The following NFAT5 variants were observed in gnomAD, a reference collection of about 807,000 sequenced individuals.
NFAT5 encodes the protein nuclear factor of activated T-cells 5.
NFAT5 carries 31 observed loss-of-function variants against 166.5 expected under a neutral mutation model. The ratio of observed to expected loss-of-function variants is 0.19; its 90% CI spans 0.14 to 0.25. NFAT5 has a LOEUF of 0.25. Among genes scored for constraint, NFAT5 ranks in the 10% least tolerant of loss-of-function variants. The pLI, the probability that NFAT5 is intolerant of heterozygous loss-of-function variation, is 1.00. For missense variants in NFAT5, 1,449 were observed against 1,821.8 expected, an observed-to-expected ratio of 0.80 and a Z score of 3.72; for synonymous variants, 612 against 639.7, an observed-to-expected ratio of 0.96 and a Z score of 0.65.
intron 2 of NFAT5, among the ~76,000 whole-genome samples, chr16:69,573,848 A>G (rs1469418286): frequency 1.3e-5 from 2 of 148,314 alleles, no homozygotes; most frequent in South Asian, 2.1e-4. Context: ...TGTGATTAGT[A>G]TTATATATAA....
At chr16:69,662,255 T>A (rs184938576) in intron 7 of NFAT5, among the ~76,000 whole-genome samples, 2 of 151,986 alleles carry the variant, frequency 1.3e-5, no homozygotes, top group African/African-American at 4.8e-5. Flanking sequence ...ACAAGTAAAA[T>A]GGGATTTACT....
At chr16:69,596,672 C>T (rs1173979702) in intron 2 of NFAT5, among the ~76,000 whole-genome samples, 6 of 149,084 alleles carry the variant, frequency 4.0e-5, no homozygotes, top group Non-Finnish European at 7.4e-5. Context: ...GAGCCGAGAT[C>T]GCGCCATTGC....
Position 69,691,055 on chromosome 16 carries a change from A to T in NFAT5, c.1890A>T (p.Val630=). 6.2e-7 allele frequency: 1 copy of T among 1,603,752 alleles called. No individual in the cohort carries two copies. Among genetic ancestry groups the T allele is most frequent in the Non-Finnish European group, 8.5e-7 (1 of 1,175,990 alleles). ...GTGAAGATGTTACTCCAATGGAAGTAACAGCAGAAAAAAGATCTTCCACTA... is the reference window on the plus strand; with the variant it reads ...GTGAAGATGTTACTCCAATGGAAGTTACAGCAGAAAAAAGATCTTCCACTA... ...IKSEDVTPME[V]TAEKRSSTIF... is the part of the protein sequence containing the mutation. The change falls in exon 12 of 15, where the codon GTA becomes GTT. Residue 630 remains valine (V), a synonymous_variant. Transcript: ENST00000349945.
At chr16:69,568,729 G>C (rs1240929812) in intron 2 of NFAT5, among the ~76,000 whole-genome samples, 181 bp downstream of exon 2, 1 of 152,020 alleles carries the variant, frequency 6.6e-6, no homozygotes, top group African/African-American at 2.4e-5. Context: ...TGCGTTTGAT[G>C]TGCTTGTTGG....
At chr16:69,595,072 C>G (rs1228457472) in intron 2 of NFAT5, among the ~76,000 whole-genome samples, 3 of 152,184 alleles carry the variant, frequency 2.0e-5, no homozygotes, top group Non-Finnish European at 4.4e-5. Context: ...TCCCAGTCCA[C>G]TGACTCAAAT....
At chr16:69,636,781 T>A (rs2034985762) in intron 3 of NFAT5, among the ~76,000 whole-genome samples, 1 of 152,172 alleles carries the variant, frequency 6.6e-6, no homozygotes, top group African/African-American at 2.4e-5. Context: ...TTTTTCCTCC[T>A]GGGCCTCTGG....
At chr16:69,567,653 A>C (rs2016146931) in intron 1 of NFAT5, among the ~76,000 whole-genome samples, 1 of 152,186 alleles carries the variant, frequency 6.6e-6, no homozygotes, top group African/African-American at 2.4e-5. Flanking sequence ...TTGATTTTGT[A>C]CACAGAGTCC....
intron 9 of NFAT5, among the ~76,000 whole-genome samples, chr16:69,671,651 G>A (rs2036625564): frequency 6.6e-6 from 1 of 152,212 alleles, no homozygotes; most frequent in African/African-American, 2.4e-5. Context: ...TTACAGGTGT[G>A]AACCACTGTG....
intron 11 of NFAT5, 198 bp downstream of exon 11, chr16:69,685,168 TTTTA>T (rs1224480750): frequency 1.7e-4 from 21 of 121,222 alleles, no homozygotes; most frequent in East Asian, 6.4e-4. Context: ...CTGAATATGT[TTTTA>T]TATATATATA....
At chr16:69,645,699 A>T (rs1331327189) in intron 3 of NFAT5, among the ~76,000 whole-genome samples, 1 of 152,208 alleles carries the variant, frequency 6.6e-6, no homozygotes, top group African/African-American at 2.4e-5. Context: ...ACAGTGGCAT[A>T]CTTGGTCATA....
intron 11 of NFAT5, among the ~76,000 whole-genome samples, chr16:69,688,375 T>TTTA (rs1192971242): frequency 6.6e-6 from 1 of 151,632 alleles, no homozygotes; most frequent in African/African-American, 2.4e-5. Flanking sequence ...TTTATTTTTA[T>TTTA]TTATTATTAT....
At chr16:69,651,151 C>T (rs967739361) in intron 4 of NFAT5, among the ~76,000 whole-genome samples, 1 of 152,132 alleles carries the variant, frequency 6.6e-6, no homozygotes, top group Non-Finnish European at 1.5e-5. Context: ...CTTCTTTATC[C>T]CTCTGCTTTC....
intron 2 of NFAT5, among the ~76,000 whole-genome samples, chr16:69,589,976 G>T (rs2032357888): frequency 6.6e-6 from 1 of 151,932 alleles, no homozygotes; most frequent in Non-Finnish European, 1.5e-5. Flanking sequence ...GGGCAACATA[G>T]CAAGACCAAC....
At chr16:69,669,290 C>T (rs953011057) in intron 7 of NFAT5, among the ~76,000 whole-genome samples, 3 of 152,156 alleles carry the variant, frequency 2.0e-5, no homozygotes, top group African/African-American at 7.2e-5. Flanking sequence ...CATGGTGGCT[C>T]ATGCCTGAAT....
At chr16:69,677,619 AT>A (rs1567599744) in intron 10 of NFAT5, among the ~76,000 whole-genome samples, 1 of 152,204 alleles carries the variant, frequency 6.6e-6, no homozygotes, top group African/African-American at 2.4e-5. Context: ...CTCCATAAGA[AT>A]TTCCATGCAT....
Position 69,691,947 on chromosome 16 carries a change from C to G in NFAT5, c.2122C>G (p.Pro708Ala). ...GGACATCTCACAGCCTGGTACTTTT[C>G]CAGCAGTTTCTGCTTCTAGTCAGCT... is the stretch of plus-strand genomic sequence containing the variant. ...TQDISQPGTF[P>A]AVSASSQLPN... is the part of the protein sequence containing the mutation. Residue 708 changes from proline (P) to alanine (A), a missense_variant, in exon 13 of 15, where the codon CCA becomes GCA. Transcript: ENST00000349945. 6.2e-7 allele frequency: 1 copy of G among 1,614,156 alleles called. No individual in the cohort carries two copies. The highest frequency in any genetic ancestry group is 1.1e-5 in the South Asian group (1 of 91,084).
chr16:69,666,672 G>A (rs1265781295), intron 7 of NFAT5, among the ~76,000 whole-genome samples: 14 of 151,998 alleles, frequency 9.2e-5, no homozygotes, highest in East Asian at 1.9e-4. Flanking sequence ...TCAGGAAACA[G>A]CAGGTGCTGG....
intron 10 of NFAT5, among the ~76,000 whole-genome samples, chr16:69,677,638 C>T (rs575593832): frequency 2.0e-5 from 3 of 152,078 alleles, no homozygotes; most frequent in East Asian, 1.9e-4. Context: ...CATTGACTAC[C>T]GCTTATGTGC....
intron 3 of NFAT5, among the ~76,000 whole-genome samples, chr16:69,643,551 C>T (rs756218824): frequency 1.1e-4 from 16 of 151,650 alleles, no homozygotes; most frequent in Non-Finnish European, 1.8e-4. Context: ...GATAGCAAAT[C>T]GTTACCTCTA....
Sources: allele counts gnomAD v4.1 joint callset (sites outside exome capture counted in the v4.1 genomes callset), GRCh38; gene constraint gnomAD v4.1.1; transcripts MANE v1.5; gene names NCBI Gene and HGNC (gene_info 2026-07-23, HGNC 2026-07-21).